The following ARHGEF3 variants were observed in gnomAD, a reference collection of about 807,000 sequenced individuals.
The protein encoded by ARHGEF3 is Rho guanine nucleotide exchange factor 3.
ARHGEF3 carries 28 observed loss-of-function variants against 63.2 expected under a neutral mutation model. The ratio of observed to expected loss-of-function variants is 0.44; its 90% CI spans 0.33 to 0.61. The LOEUF (loss-of-function observed/expected upper bound fraction) is 0.61, where lower values mean the gene tolerates loss of function less well. ARHGEF3 is among the 20% of genes least tolerant of loss of function. ARHGEF3 has a pLI of 0.03. For missense variants in ARHGEF3, 533 were observed against 659.3 expected, an observed-to-expected ratio of 0.81 and a Z score of 2.10; for synonymous variants, 266 against 254.2, an observed-to-expected ratio of 1.05 and a Z score of -0.44.
At chr3:56,787,237 C>T (rs1376111188) in intron 1 of ARHGEF3, among the ~76,000 whole-genome samples, 1 of 152,148 alleles carries the variant, frequency 6.6e-6, no homozygotes, top group African/African-American at 2.4e-5. Flanking sequence ...CTTCCCTCTG[C>T]CCCAACATTT....
chr3:56,967,198 T>C (rs962377952), intron 2 of ARHGEF3, among the ~76,000 whole-genome samples: 88 of 141,168 alleles, frequency 6.2e-4, no homozygotes, highest in African/African-American at 2.3e-3. Context: ...TCAATTGAAA[T>C]ATCATGTGAA....
At chr3:56,939,269 C>T (rs1441815758) in intron 3 of ARHGEF3, among the ~76,000 whole-genome samples, 1 of 152,296 alleles carries the variant, frequency 6.6e-6, no homozygotes, top group Non-Finnish European at 1.5e-5. Context: ...GAAGTTTCGG[C>T]TTCAGAAAAG....
At chr3:56,737,493 G>GATA in intron 7 of ARHGEF3, 138 bp from the exon 8 acceptor site, 2 of 436,378 alleles carry the variant, frequency 4.6e-6, no homozygotes, top group Non-Finnish European at 3.5e-6. Context: ...TTTGGGAAAA[G>GATA]AGAAAAAAAA....
At chr3:57,007,390 G>T in intron 2 of ARHGEF3, 1 of 1,278,136 alleles carries the variant, frequency 7.8e-7, no homozygotes, top group East Asian at 5.6e-5. Context: ...TTCTGCTGAG[G>T]CTGAGCTGGA....
At chr3:56,820,855 G>C (rs544954670) in intron 4 of ARHGEF3, among the ~76,000 whole-genome samples, 27 of 151,934 alleles carry the variant, frequency 1.8e-4, no homozygotes, top group Non-Finnish European at 3.7e-4. Flanking sequence ...GATGGGATAA[G>C]GGATGGTGAC....
At chr3:56,992,399 A>C (rs964864946) in intron 2 of ARHGEF3, among the ~76,000 whole-genome samples, 3,156 of 137,944 alleles carry the variant, frequency 0.023, 223 homozygotes, top group African/African-American at 0.091. Context: ...AAAAAAAAAA[A>C]AAAAAAAAAA....
At chr3:57,077,932 T>TA (rs1706290053) in intron 1 of ARHGEF3, among the ~76,000 whole-genome samples, 1 of 152,122 alleles carries the variant, frequency 6.6e-6, no homozygotes, top group Non-Finnish European at 1.5e-5. Context: ...GGCTACTGTG[T>TA]AAGCACCACC....
rs1286219804 is a variant in ARHGEF3 at position 56,778,595 on chromosome 3, C to T, written c.97-4779G>A. 3.3e-5 allele frequency among the ~76,000 whole-genome samples: 5 copies of T among 152,312 alleles called. No homozygotes were observed. The South Asian group carries it at 6.2e-4, about 19-fold the overall frequency. ...TCACTCAGGCTGCTGTGCAGTGGCA[C>T]GATCACGACTCACGGCAGCCTCAAC... On this transcript the variant is annotated intron_variant, in intron 1 of 9. Transcript: ENST00000296315.
intron 2 of ARHGEF3, among the ~76,000 whole-genome samples, chr3:56,767,140 G>T (rs1210500344): frequency 4.8e-5 from 7 of 145,636 alleles, no homozygotes; most frequent in African/African-American, 1.0e-4. Context: ...GGAGATTTTT[G>T]TCTCTATTAA....
intron 4 of ARHGEF3, among the ~76,000 whole-genome samples, chr3:56,878,115 T>C (rs2040650393): frequency 1.3e-5 from 2 of 152,338 alleles, no homozygotes; most frequent in South Asian, 4.1e-4. Context: ...AGCTCATTTG[T>C]TTTATAAGAA....
At chr3:56,940,728 T>C (rs1006283915) in intron 3 of ARHGEF3, 5 of 152,152 alleles carry the variant, frequency 3.3e-5, no homozygotes, top group Admixed American at 1.3e-4. Context: ...AATACTTATC[T>C]TTAGAAAACA....
intron 2 of ARHGEF3, among the ~76,000 whole-genome samples, chr3:57,011,578 C>T (rs577003937): frequency 3.3e-5 from 5 of 152,264 alleles, no homozygotes; most frequent in African/African-American, 1.2e-4. Flanking sequence ...CCCCGCCACC[C>T]ACAGCAAAGA....
At chr3:56,787,111 T>G (rs928465430) in intron 1 of ARHGEF3, among the ~76,000 whole-genome samples, 14 of 152,186 alleles carry the variant, frequency 9.2e-5, no homozygotes, top group African/African-American at 3.4e-4. Context: ...CTTTGAAGAC[T>G]GCTGGGAGTC....
chr3:56,841,533 C>T (rs1301074130), intron 4 of ARHGEF3, among the ~76,000 whole-genome samples: 1 of 152,142 alleles, frequency 6.6e-6, no homozygotes, highest in Non-Finnish European at 1.5e-5. Flanking sequence ...TCTATGCACA[C>T]AGTTAACCAG....
At chr3:56,868,449 C>T (rs1368544508) in intron 4 of ARHGEF3, among the ~76,000 whole-genome samples, 1 of 151,812 alleles carries the variant, frequency 6.6e-6, no homozygotes, top group East Asian at 1.9e-4. Context: ...CAGCCTCCAC[C>T]CACCCTGGGT....
rs2037665947 is a variant in ARHGEF3, at chr3:56,801,772, G to A, written c.27C>T (p.Tyr9=). Residue 9 remains tyrosine (Y), a synonymous_variant, in exon 1 of 10, where the codon TAC becomes TAT. Transcript: ENST00000296315. MVAKDYPF[Y]LTVKRANCSL... ...TGCAGTTCGCTCTCTTGACCGTGAG[G>A]TAGAAGGGGTAATCCTTGGCCACCA... 4 of 1,568,324 alleles carry A rather than the reference G, an allele frequency of 2.6e-6. No individual in the cohort carries two copies. Among genetic ancestry groups the A allele is most frequent in the Non-Finnish European group, 3.5e-6 (4 of 1,155,310 alleles).
intron 3 of ARHGEF3, among the ~76,000 whole-genome samples, chr3:56,916,770 A>G: frequency 6.6e-6 from 1 of 152,232 alleles, no homozygotes; most frequent in East Asian, 1.9e-4. Context: ...CACTAGGAGA[A>G]GGGACACTGG....
At chr3:56,844,174 T>C (rs192210878) in intron 4 of ARHGEF3, among the ~76,000 whole-genome samples, 18 of 152,364 alleles carry the variant, frequency 1.2e-4, no homozygotes, top group Admixed American at 5.2e-4. Context: ...GTTTCTATTA[T>C]GTAGGATTTT....
chr3:56,989,096 T>C (rs1701648725), intron 2 of ARHGEF3, among the ~76,000 whole-genome samples: 1 of 152,186 alleles, frequency 6.6e-6, no homozygotes, highest in East Asian at 1.9e-4. Context: ...TGGCCGGTAT[T>C]AGAAAACTTC....
Sources: allele counts gnomAD v4.1 joint callset (sites outside exome capture counted in the v4.1 genomes callset), GRCh38; gene constraint gnomAD v4.1.1; transcripts MANE v1.5; gene names NCBI Gene and HGNC (gene_info 2026-07-23, HGNC 2026-07-21).